Variants in LRRC43 observed in about 807,000 individuals in gnomAD.
The protein encoded by LRRC43 is leucine rich repeat containing 43.
A neutral mutation model predicts 64.3 loss-of-function variants in LRRC43; 62 were observed. The ratio of observed to expected loss-of-function variants is 0.96; its 90% CI spans 0.79 to 1.19. The LOEUF (loss-of-function observed/expected upper bound fraction) is 1.19, where lower values mean the gene tolerates loss of function less well. Among genes scored for constraint, LRRC43 ranks in the 50% most tolerant of loss-of-function variants. The pLI, the probability that LRRC43 is intolerant of heterozygous loss-of-function variation, is 0.00. For synonymous variants in LRRC43, 422 were observed against 382.3 expected, an observed-to-expected ratio of 1.10 and a Z score of -1.21; for missense variants, 868 against 845.0, an observed-to-expected ratio of 1.03 and a Z score of -0.34.
intron 1 of LRRC43, chr12:122,174,279 C>G (rs1364605690): frequency 5.1e-5 from 67 of 1,313,522 alleles, no homozygotes; most frequent in Non-Finnish European, 7.0e-5. Context: ...AAAGAGCAGT[C>G]AGCGTCCCGC....
intron 4 of LRRC43, chr12:122,189,573 T>C: frequency 4.5e-6 from 2 of 445,636 alleles, no homozygotes; most frequent in Admixed American, 4.8e-5. Context: ...CCTTGGCCCG[T>C]GCTCTTTGCA....
rs763368395 is a variant in LRRC43, at chr12:122,203,425, C to A, written c.1954C>A (p.Arg652Ser). Residue 652 changes from arginine to serine, a missense_variant, in exon 12 of 12, where the codon CGC becomes AGC. Physicochemically the swap from Arg to Ser is moderately radical, Grantham distance 110. Transcript: ENST00000339777. ...GTGCCGCTCGGCGGAGGAGGCTCTGCGCATGTTCGCCGTGTAGGGCGTGGG... is the reference window on the plus strand; with the variant it reads ...GTGCCGCTCGGCGGAGGAGGCTCTGAGCATGTTCGCCGTGTAGGGCGTGGG... ...NQCRSAEEAL[R>S]MFAV 7 of 1,611,230 alleles carry A rather than the reference C, an allele frequency of 4.3e-6. No homozygotes were observed. In the South Asian group the frequency reaches 4.4e-5, roughly 10 times the overall value.
chr12:122,177,573 C>T (rs527362469), intron 1 of LRRC43, among the ~76,000 whole-genome samples: 9 of 151,540 alleles, frequency 5.9e-5, no homozygotes, highest in Admixed American at 2.6e-4. Flanking sequence ...GGTGTGATCA[C>T]GGCTCACTGC....
At chr12:122,183,378 C>G in intron 1 of LRRC43, 84 bp downstream of exon 1, 1 of 1,336,964 alleles carries the variant, frequency 7.5e-7, no homozygotes, top group Non-Finnish European at 9.6e-7. Context: ...GGGCTGGTCC[C>G]TGGGGCCTGG....
chr12:122,191,733 TA>T (rs996335182), intron 6 of LRRC43, among the ~76,000 whole-genome samples, 166 bp downstream of exon 6: 1 of 151,410 alleles, frequency 6.6e-6, no homozygotes, highest in Non-Finnish European at 1.5e-5. Flanking sequence ...CAGCTCACTG[TA>T]ACCTCTGCCT....
Position 122,203,344 on chromosome 12 carries a change from G to A in LRRC43, c.1873G>A (p.Glu625Lys), listed in dbSNP as rs1953866154. The change falls in exon 12 of 12, where the codon GAA becomes AAA. Residue 625 changes from glutamate (E) to lysine (K), a missense_variant. Glu to Lys is a moderately conservative substitution (Grantham distance 56). Coordinates refer to ENST00000339777, the MANE Select transcript of LRRC43 (RefSeq NM_001098519.2). ...EKPKAVIPIY[E>K]GDYHPEPLTV... ...GCCGAAAGCCGTGATTCCGATCTAC[G>A]AAGGCGATTACCACCCTGAGCCCCT... 6.2e-7 allele frequency: 1 copy of A among 1,613,044 alleles called. No homozygotes were observed. Among genetic ancestry groups the A allele is most frequent in the Non-Finnish European group, 8.5e-7 (1 of 1,179,922 alleles).
intron 6 of LRRC43, among the ~76,000 whole-genome samples, chr12:122,192,055 C>T (rs1407605746): frequency 6.6e-6 from 1 of 152,152 alleles, no homozygotes; most frequent in Middle Eastern, 3.2e-3. Flanking sequence ...CCCCTTGCCC[C>T]CTTAAAATCT....
intron 1 of LRRC43, among the ~76,000 whole-genome samples, chr12:122,183,901 C>T (rs191334636): frequency 3.3e-5 from 5 of 151,902 alleles, no homozygotes; most frequent in Admixed American, 1.3e-4. Flanking sequence ...CCACCATGCC[C>T]GGCTAATTAT....
chr12:122,193,355 C>G lies in LRRC43; in HGVS notation c.1349+351C>G, dbSNP rs368153710. Among the ~76,000 whole-genome samples the G allele has an allele frequency of 2.2e-3, 304 of 137,268 alleles. 3 individuals are homozygous for G. The highest frequency in any genetic ancestry group is 6.7e-3 in the African/African-American group (239 of 35,662). The allele number at this position is 137,268 out of a possible 152,430, so 90.1% of individuals were successfully genotyped here. A position where few individuals can be genotyped will look rare whatever the true frequency, so the allele number is the denominator to read the frequency against. On this transcript the variant is annotated intron_variant, in intron 7 of 11. Coordinates refer to ENST00000339777, the MANE Select transcript of LRRC43 (RefSeq NM_001098519.2). Reference sequence around the variant, plus strand: ...GAGATCGTGCCACTGCGCTCCAGCCCGGCGACAGAGCGAGACTCCGTCTCA... The same window carrying G: ...GAGATCGTGCCACTGCGCTCCAGCCGGGCGACAGAGCGAGACTCCGTCTCA...
At chr12:122,201,462 C>A in intron 11 of LRRC43, 133 bp downstream of exon 11, 1 of 770,752 alleles carries the variant, frequency 1.3e-6, no homozygotes. Context: ...CACATCCCCC[C>A]TTAGATCCAG....
At chr12:122,193,663 C>A (rs1283539929) in intron 7 of LRRC43, among the ~76,000 whole-genome samples, 4 of 152,142 alleles carry the variant, frequency 2.6e-5, no homozygotes, top group Non-Finnish European at 5.9e-5. Context: ...CTCCCGGATT[C>A]AAGCAATTCT....
chr12:122,176,988 A>G (rs558492995), intron 1 of LRRC43, among the ~76,000 whole-genome samples: 1 of 152,108 alleles, frequency 6.6e-6, no homozygotes, highest in East Asian at 1.9e-4. Context: ...TTTACTTCCC[A>G]AACTGCCACA....
In LRRC43 at chr12:122,191,554, G is replaced by A. The variant is rs1244418525; in HGVS notation, c.1076G>A (p.Gly359Asp). 11 of 1,613,812 alleles carry A rather than the reference G, an allele frequency of 6.8e-6. No individual in the cohort carries two copies. The highest frequency in any genetic ancestry group is 8.5e-6 in the Non-Finnish European group (10 of 1,179,898). The change falls in exon 6 of 12, where the codon GGC (glycine) becomes GAC (aspartate). Residue 359 changes from glycine (G) to aspartate (D), a missense_variant. Transcript: ENST00000339777. ...DEEGEMNESA[G>D]VLAEIVKPSP... ...GAAGGCGAAATGAATGAGTCCGCGG[G>A]CGTCCTGGCCGAGGTGTGCCCTGGT...
At chr12:122,189,034 T>C (rs566736133) in intron 4 of LRRC43, among the ~76,000 whole-genome samples, 2 of 152,164 alleles carry the variant, frequency 1.3e-5, no homozygotes, top group African/African-American at 4.8e-5. Context: ...AGGTTCAGGC[T>C]CATTAGGAGC....
Position 122,200,977 on chromosome 12 carries a change from C to G in LRRC43, c.1809+43C>G. ...CCACATCCTCCACCTCTGCCTTCGC[C>G]CTCCCCATGGGAACCCCGCGGGCAA... On this transcript the variant is annotated intron_variant, in intron 10 of 11. Transcript: ENST00000339777. This position sits in a 1 kb window ranked among gnomAD's most constrained non-coding sequence, Gnocchi z 4.6. 2 of 1,542,460 alleles carry G rather than the reference C, an allele frequency of 1.3e-6. No homozygotes were observed. The highest frequency in any genetic ancestry group is 1.7e-6 in the Non-Finnish European group (2 of 1,146,594).
At chr12:122,176,202 G>A (rs560198624) in intron 1 of LRRC43, among the ~76,000 whole-genome samples, 70 of 152,334 alleles carry the variant, frequency 4.6e-4, no homozygotes, top group Non-Finnish European at 9.4e-4. Context: ...CATTGAAGAA[G>A]AGACTGAAAG....
chr12:122,184,842 G>A lies in LRRC43; in HGVS notation c.411+63G>A. ...CCGCTCCCCTAAGGGAGGTTGTGGG[G>A]AGGGCACCCTTCCCCACAGCGCGTC... On this transcript the variant is annotated intron_variant, in intron 2 of 11. Coordinates refer to ENST00000339777, the MANE Select transcript of LRRC43 (RefSeq NM_001098519.2). The surrounding 1 kb of genome is among the most constrained non-coding windows in gnomAD (Gnocchi z 4.0). The A allele has an allele frequency of 6.5e-7, 1 of 1,530,032 alleles. No individual in the cohort carries two copies. Among genetic ancestry groups the A allele is most frequent in the Non-Finnish European group, 8.9e-7 (1 of 1,129,112 alleles). The allele number at this position is 1,530,032 out of a possible 1,614,324, so 94.8% of individuals were successfully genotyped here. A position where few individuals can be genotyped will look rare whatever the true frequency, so the allele number is the denominator to read the frequency against.
chr12:122,199,255 G>C (rs1214678531), intron 7 of LRRC43, among the ~76,000 whole-genome samples: 2 of 150,346 alleles, frequency 1.3e-5, no homozygotes, highest in African/African-American at 4.9e-5. Context: ...TTCTAGCCTG[G>C]GGCTAGGCTA....
intron 6 of LRRC43, among the ~76,000 whole-genome samples, chr12:122,192,528 T>C (rs371914562): frequency 2.2e-4 from 33 of 152,316 alleles, no homozygotes; most frequent in African/African-American, 7.5e-4. Context: ...TGTCTCCTCC[T>C]CCCACATAGA....
Sources: allele counts gnomAD v4.1 joint callset (sites outside exome capture counted in the v4.1 genomes callset), GRCh38; gene constraint gnomAD v4.1.1; non-coding constraint Gnocchi (gnomAD v3.1); transcripts MANE v1.5; gene names NCBI Gene and HGNC (gene_info 2026-07-23, HGNC 2026-07-21).